MDN1: variants seen among roughly 807,000 people sequenced by gnomAD.
MDN1 encodes midasin AAA ATPase 1.
In MDN1, 266 loss-of-function variants were observed where a neutral mutation model predicts 669.2. That is an observed-to-expected ratio of 0.40 (90% CI 0.36 to 0.44). The LOEUF (loss-of-function observed/expected upper bound fraction) is 0.44, where lower values mean the gene tolerates loss of function less well. Among genes scored for constraint, MDN1 ranks in the 20% least tolerant of loss-of-function variants. The probability of loss-of-function intolerance (pLI) is 1.00; values close to 1 mark genes in which losing one functional copy is unlikely to be tolerated. For missense variants in MDN1, 5,940 were observed against 6,754.0 expected (o/e 0.88, Z 4.22); for synonymous variants, 2,385 against 2,457.1 (o/e 0.97, Z 0.87).
intron 30 of MDN1, 24 bp from the exon 31 acceptor site, chr6:89,743,304 A>C: frequency 6.2e-7 from 1 of 1,613,886 alleles, no homozygotes; most frequent in South Asian, 1.1e-5. Flanking sequence ...AAGTGGGGAA[A>C]ATTAAAGGGC....
In MDN1 at chr6:89,731,797, C is replaced by T. The variant is rs866788293; in HGVS notation, c.4942+760G>A. Among the ~76,000 whole-genome samples, 49 of 36,964 alleles carry T rather than the reference C, an allele frequency of 1.3e-3. 1 individual carries two copies. The Middle Eastern group carries it at 0.039, about 30-fold the overall frequency. 24.2% of individuals were successfully genotyped at this position (36,964 alleles called of 152,430 possible). Reference sequence around the variant, plus strand: ...TCTTTTATTCTTTAATTCATAGTACCGCCCCCCCCCCCCACCTTTTCCTTT... The same window carrying T: ...TCTTTTATTCTTTAATTCATAGTACTGCCCCCCCCCCCCACCTTTTCCTTT... On this transcript the variant is annotated intron_variant, in intron 34 of 101. Transcript: ENST00000369393.
intron 2 of MDN1, among the ~76,000 whole-genome samples, chr6:89,796,662 T>C (rs970419788): frequency 3.3e-5 from 5 of 152,310 alleles, no homozygotes; most frequent in Admixed American, 2.0e-4. Context: ...GGGTACAGTG[T>C]GTATATGAGA....
chr6:89,650,117 A>C lies in MDN1; in HGVS notation c.16113T>G (p.Ile5371Met), dbSNP rs753433558. 6.2e-7 allele frequency: 1 copy of C among 1,614,166 alleles called. No individual in the cohort carries two copies. Among genetic ancestry groups the C allele is most frequent in the Non-Finnish European group, 8.5e-7 (1 of 1,180,026 alleles). Residue 5371 changes from isoleucine (I) to methionine (M), a missense_variant, in exon 97 of 102, where the codon ATT becomes ATG. Around this residue, in one of 5 missense-constraint regions of MDN1, gnomAD observed 2,280 missense variants for 2,576.3 expected, o/e 0.88. Coordinates refer to ENST00000369393, the MANE Select transcript of MDN1 (RefSeq NM_014611.3). ...TACTGGGCTTGGTCCTTCGAAGCCA[A>C]ATCTTGTCTTTCCGAAATTGACTAG... ...YIASQFRKDK[I>M]WLRRTKPSKR...
At position 89,708,497 on chromosome 6, in the gene MDN1, T is replaced by C; in HGVS notation, c.7897A>G (p.Lys2633Glu). 1 of 1,613,842 alleles carries C rather than the reference T, an allele frequency of 6.2e-7. No homozygotes were observed. The highest frequency in any genetic ancestry group is 8.5e-7 in the Non-Finnish European group (1 of 1,179,922). Reference protein sequence around the residue: ...LFALLESAANKTIIYLDREKR... With the variant: ...LFALLESAANETIIYLDREKR... ...CCCAGAGCAGCAGGTTTCACTTACT[T>C]GTTTGCAGCTGATTCTAAAAGGGCA... Residue 2633 changes from lysine (K) to glutamate (E), a missense_variant and splice_region_variant, in exon 51 of 102, where the codon AAG (lysine) becomes GAG (glutamate). This residue lies in a region of MDN1 where 2,292 missense variants were observed against 2,638.3 expected (regional missense o/e 0.87). Coordinates refer to ENST00000369393, the MANE Select transcript of MDN1 (RefSeq NM_014611.3).
intron 36 of MDN1, 41 bp from the exon 37 acceptor site, chr6:89,727,996 T>C (rs942279029): frequency 3.8e-6 from 6 of 1,570,860 alleles, no homozygotes; most frequent in Non-Finnish European, 5.2e-6. Context: ...ATTATTACTT[T>C]AAAAATCAAC....
intron 59 of MDN1, 77 bp from the exon 60 acceptor site, chr6:89,696,651 G>GA (rs1299552985): frequency 9.1e-7 from 1 of 1,095,458 alleles, no homozygotes; most frequent in Non-Finnish European, 1.4e-6. Flanking sequence ...AACCTGAGAG[G>GA]AAAGAAACAG....
chr6:89,675,334 T>A, intron 78 of MDN1, 130 bp downstream of exon 78: 1 of 738,004 alleles, frequency 1.4e-6, no homozygotes, highest in Non-Finnish European at 2.2e-6. Flanking sequence ...CCTACCTGCC[T>A]CTTTGGGCCT....
chr6:89,803,890 C>CTTTCTTTTTTTTTTTTTTTTT (rs377468650), intron 1 of MDN1, among the ~76,000 whole-genome samples: 9 of 93,212 alleles, frequency 9.7e-5, no homozygotes, highest in Non-Finnish European at 1.4e-4. Flanking sequence ...CTTTTCTTTT[C>CTTTCTTTTTTTTTTTTTTTTT]TTTTCTTTTT....
intron 96 of MDN1, 130 bp downstream of exon 96, chr6:89,650,602 T>C: frequency 1.5e-6 from 1 of 676,096 alleles, no homozygotes; most frequent in Non-Finnish European, 2.5e-6. Flanking sequence ...AACAGCATAC[T>C]GGTGCCTGTA....
intron 17 of MDN1, among the ~76,000 whole-genome samples, chr6:89,759,538 C>T (rs941977001): frequency 6.6e-6 from 1 of 151,984 alleles, no homozygotes; most frequent in Non-Finnish European, 1.5e-5. Context: ...CTGAGGTGGG[C>T]GGATCACTGG....
At chr6:89,730,262 T>G (rs537086460) in intron 35 of MDN1, among the ~76,000 whole-genome samples, 2 of 152,200 alleles carry the variant, frequency 1.3e-5, no homozygotes, top group Non-Finnish European at 2.9e-5. Flanking sequence ...CCTATGACTG[T>G]GAGGCCTAAA....
chr6:89,794,671 T>TG lies in MDN1; in HGVS notation c.459dup (p.Lys154GlnfsTer27), dbSNP rs1485200037. ...ACAGACTGCTCCTGCTGCAGAAACT[T>TG]GAAGGCTGCTTCCATTAGGTCCCGG... On this transcript the variant is annotated frameshift_variant, in exon 3 of 102. Transcript: ENST00000369393. LOFTEE classifies it high-confidence loss of function. 9 of 1,614,204 alleles carry TG rather than the reference T, an allele frequency of 5.6e-6. No homozygotes were observed. The highest frequency in any genetic ancestry group is 7.6e-6 in the Non-Finnish European group (9 of 1,180,032).
chr6:89,734,114 G>A (rs535127439), intron 33 of MDN1, among the ~76,000 whole-genome samples: 25 of 151,836 alleles, frequency 1.6e-4, no homozygotes, highest in Admixed American at 1.4e-3. Context: ...GTGAAACCCC[G>A]TCTCTACTAA....
chr6:89,700,577 C>G, intron 56 of MDN1, 69 bp downstream of exon 56: 1 of 1,508,616 alleles, frequency 6.6e-7, no homozygotes, highest in East Asian at 2.3e-5. Context: ...TAAGGGAAAA[C>G]TTATTAACTA....
chr6:89,657,526 TGAG>T (rs1809404369), intron 90 of MDN1, among the ~76,000 whole-genome samples: 2 of 152,228 alleles, frequency 1.3e-5, no homozygotes, highest in African/African-American at 4.8e-5. Context: ...AACCTGATGA[TGAG>T]CAAGGAAAAG....
At chr6:89,808,146 CTTGT>C (rs985465001) in intron 1 of MDN1, among the ~76,000 whole-genome samples, 11 of 150,892 alleles carry the variant, frequency 7.3e-5, no homozygotes, top group African/African-American at 2.7e-4. Flanking sequence ...TTTTAAAGTC[CTTGT>C]TTATTAATTT....
intron 34 of MDN1, among the ~76,000 whole-genome samples, chr6:89,732,303 G>A (rs987118165): frequency 1.3e-5 from 2 of 149,500 alleles, no homozygotes; most frequent in East Asian, 1.9e-4. Context: ...AGACATTTCA[G>A]CAGTCTTTAC....
intron 59 of MDN1, among the ~76,000 whole-genome samples, chr6:89,698,077 T>A (rs1485051914): frequency 6.6e-6 from 1 of 152,206 alleles, no homozygotes; most frequent in East Asian, 1.9e-4. Flanking sequence ...GAACAGGTCC[T>A]CATCTCCATG....
At chr6:89,653,423 C>G (rs888596742) in intron 93 of MDN1, among the ~76,000 whole-genome samples, 18 of 152,288 alleles carry the variant, frequency 1.2e-4, no homozygotes, top group Middle Eastern at 3.4e-3. Flanking sequence ...TCCTAAGAAG[C>G]CTTGTAAAAC....
Sources: gnomAD v4.1 joint callset for allele counts (sites outside exome capture counted in the v4.1 genomes callset) on GRCh38, gnomAD v4.1.1 for gene constraint, gnomAD v4.1.1 regional missense constraint, MANE v1.5 for transcripts, NCBI Gene and HGNC (gene_info 2026-07-23, HGNC 2026-07-21) for gene names.